TAFA5: variants seen among roughly 807,000 people sequenced by gnomAD.
TAFA5 encodes chemokine-like protein TAFA-5.
TAFA5 carries 6 observed loss-of-function variants against 15.3 expected under a neutral mutation model. The observed-to-expected ratio is 0.39, with a 90% confidence interval of 0.21 to 0.77. The LOEUF (loss-of-function observed/expected upper bound fraction) is 0.77, where lower values mean the gene tolerates loss of function less well. Among genes scored for constraint, TAFA5 ranks in the 30% least tolerant of loss-of-function variants. The probability of loss-of-function intolerance (pLI) is 0.41; values close to 1 mark genes in which losing one functional copy is unlikely to be tolerated. For synonymous variants in TAFA5, 103 were observed against 80.7 expected (o/e 1.28, Z -1.48); for missense variants, 161 against 193.1 (o/e 0.83, Z 0.98).
rs183566375 is a variant in TAFA5 at position 48,687,449 on chromosome 22, G to C, written c.263-20268G>C. ...AGATGGATGGATTGGTGGCAGGGGT[G>C]GGGGGGCATCTGTGGATGGGTGGAT... is the stretch of plus-strand genomic sequence containing the variant. On this transcript the variant is annotated intron_variant, in intron 2 of 3. Coordinates refer to ENST00000402357, the MANE Select transcript of TAFA5 (RefSeq NM_001082967.3). Among the ~76,000 whole-genome samples, 16 of 150,944 alleles carry C rather than the reference G, an allele frequency of 1.1e-4. No homozygotes were observed. In the East Asian group the frequency reaches 1.6e-3, roughly 15 times the overall value.
intron 2 of TAFA5, among the ~76,000 whole-genome samples, chr22:48,687,092 T>C (rs1840034815): frequency 6.7e-6 from 1 of 149,738 alleles, no homozygotes; most frequent in African/African-American, 2.5e-5. Flanking sequence ...GATGGATGGA[T>C]AGATGGTGAT....
intron 1 of TAFA5, among the ~76,000 whole-genome samples, chr22:48,513,593 T>G (rs1921301660): frequency 6.6e-6 from 1 of 152,256 alleles, no homozygotes; most frequent in Non-Finnish European, 1.5e-5. Context: ...CCCAGTGCTC[T>G]GAGCGAGACA....
intron 1 of TAFA5, among the ~76,000 whole-genome samples, chr22:48,500,227 G>T (rs567997897): frequency 6.6e-6 from 1 of 152,214 alleles, no homozygotes; most frequent in South Asian, 2.1e-4. Context: ...AGACTCCAAG[G>T]CCCCATAATG....
chr22:48,659,197 A>G (rs1277512947), intron 2 of TAFA5, among the ~76,000 whole-genome samples: 1 of 152,230 alleles, frequency 6.6e-6, no homozygotes, highest in Non-Finnish European at 1.5e-5. Flanking sequence ...TCGTCCACCC[A>G]CAAAGGGACC....
At chr22:48,638,172 A>C (rs7290651) in intron 1 of TAFA5, among the ~76,000 whole-genome samples, 79,424 of 151,784 alleles carry the variant, frequency 0.52, 21,158 homozygotes, top group East Asian at 0.71. Context: ...GTTGCTCACA[A>C]CTTCGTCCTT....
intron 2 of TAFA5, chr22:48,693,162 G>A (rs1928596596): frequency 2.3e-6 from 2 of 861,776 alleles, no homozygotes; most frequent in Non-Finnish European, 3.5e-6. Context: ...AGCCTCTGCT[G>A]GAAAATACGT....
intron 1 of TAFA5, chr22:48,544,169 T>A (rs910803223): frequency 6.1e-6 from 1 of 163,546 alleles, no homozygotes; most frequent in Non-Finnish European, 1.3e-5. Flanking sequence ...TGGGGTGGGG[T>A]CTTCCCTTCA....
At chr22:48,606,505 C>T (rs1925199319) in intron 1 of TAFA5, among the ~76,000 whole-genome samples, 1 of 152,210 alleles carries the variant, frequency 6.6e-6, no homozygotes, top group Non-Finnish European at 1.5e-5. Flanking sequence ...AGCTGAAATA[C>T]TGAAATGAGG....
chr22:48,563,667 G>A (rs1052047660), intron 1 of TAFA5, among the ~76,000 whole-genome samples: 3 of 152,198 alleles, frequency 2.0e-5, no homozygotes, highest in Non-Finnish European at 4.4e-5. Flanking sequence ...CTGGGGCATG[G>A]CCTCCTCCCT....
intron 1 of TAFA5, among the ~76,000 whole-genome samples, chr22:48,510,701 C>G (rs1351180142): frequency 6.6e-6 from 1 of 152,178 alleles, no homozygotes; most frequent in East Asian, 1.9e-4. Context: ...GGATGCTCCC[C>G]TGGCTTCCCT....
At chr22:48,639,929 C>T (rs1344198223) in intron 1 of TAFA5, among the ~76,000 whole-genome samples, 3 of 152,116 alleles carry the variant, frequency 2.0e-5, no homozygotes, top group South Asian at 4.1e-4. Flanking sequence ...GGCCCCAAAT[C>T]GTGACCGCAC....
intron 1 of TAFA5, among the ~76,000 whole-genome samples, chr22:48,502,406 G>A (rs886746009): frequency 8.8e-6 from 1 of 113,372 alleles, no homozygotes; most frequent in East Asian, 2.9e-4. Context: ...CATTTCTGGG[G>A]GAGCTGGGAG....
chr22:48,595,991 T>C (rs924174313), intron 1 of TAFA5, among the ~76,000 whole-genome samples: 1 of 152,262 alleles, frequency 6.6e-6, no homozygotes, highest in African/African-American at 2.4e-5. Flanking sequence ...GAATTAGTGG[T>C]ATTACTGTTT....
chr22:48,596,321 G>T (rs577323511), intron 1 of TAFA5, among the ~76,000 whole-genome samples: 17 of 152,304 alleles, frequency 1.1e-4, no homozygotes, highest in Admixed American at 1.0e-3. Context: ...TCTGGGTCTG[G>T]GTTCTGGGCC....
At chr22:48,537,729 C>A (rs996657928) in intron 1 of TAFA5, among the ~76,000 whole-genome samples, 4 of 152,172 alleles carry the variant, frequency 2.6e-5, no homozygotes, top group Non-Finnish European at 4.4e-5. Context: ...CCTTTCTGCT[C>A]CCCTGTCAGA....
chr22:48,623,364 C>T lies in TAFA5; in HGVS notation c.113-23233C>T, dbSNP rs866772551. 3.2e-4 allele frequency among the ~76,000 whole-genome samples: 45 copies of T among 142,172 alleles called. 1 individual carries two copies. The highest frequency in any genetic ancestry group is 1.2e-3 in the African/African-American group (42 of 35,606). 93.3% of individuals were successfully genotyped at this position (142,172 alleles called of 152,430 possible). On this transcript the variant is annotated intron_variant, in intron 1 of 3. Transcript: ENST00000402357. Reference sequence around the variant, plus strand: ...GTGACCTGTGGGACGGGACGTGTCGCGTGGCCCTGCGCGGTGACCTGTGGG... The same window carrying T: ...GTGACCTGTGGGACGGGACGTGTCGTGTGGCCCTGCGCGGTGACCTGTGGG...
intron 1 of TAFA5, among the ~76,000 whole-genome samples, chr22:48,537,098 G>T (rs1366083170): frequency 6.6e-6 from 1 of 152,204 alleles, no homozygotes; most frequent in Admixed American, 6.5e-5. Flanking sequence ...GGTCTGGCAG[G>T]AATTGGGGAG....
At chr22:48,617,973 T>C (rs1328834165) in intron 1 of TAFA5, among the ~76,000 whole-genome samples, 2 of 152,056 alleles carry the variant, frequency 1.3e-5, no homozygotes, top group Non-Finnish European at 2.9e-5. Context: ...ATGGGCGCGG[T>C]TTTTATGGCC....
At chr22:48,600,374 C>T (rs150446928) in intron 1 of TAFA5, among the ~76,000 whole-genome samples, 108 of 152,282 alleles carry the variant, frequency 7.1e-4, no homozygotes, top group Non-Finnish European at 1.4e-3. Flanking sequence ...GCAGGTCCAG[C>T]GGGGATCAGA....
Sources: allele counts gnomAD v4.1 joint callset (sites outside exome capture counted in the v4.1 genomes callset), GRCh38; gene constraint gnomAD v4.1.1; transcripts MANE v1.5; gene names NCBI Gene and HGNC (gene_info 2026-07-23, HGNC 2026-07-21).